Variants in PARD3B observed in about 807,000 individuals in gnomAD.
PARD3B encodes partitioning defective 3 homolog B.
PARD3B carries 103 observed loss-of-function variants against 130.2 expected under a neutral mutation model. The ratio of observed to expected loss-of-function variants is 0.79; its 90% CI spans 0.67 to 0.93. The LOEUF is 0.93. PARD3B is among the 40% of genes least tolerant of loss of function. PARD3B has a pLI of 0.00. For synonymous variants in PARD3B, 583 were observed against 553.2 expected, an observed-to-expected ratio of 1.05 and a Z score of -0.76; for missense variants, 1,609 against 1,499.2, an observed-to-expected ratio of 1.07 and a Z score of -1.21.
At chr2:204,844,348 T>C (rs2044377797) in intron 2 of PARD3B, among the ~76,000 whole-genome samples, 1 of 152,172 alleles carries the variant, frequency 6.6e-6, no homozygotes, top group African/African-American at 2.4e-5. Flanking sequence ...TCATTCTGAG[T>C]CATTGCTTAT....
Position 205,600,220 on chromosome 2 carries a change from G to A in PARD3B, c.3261-15236G>A, listed in dbSNP as rs117763212. 1.4e-4 allele frequency among the ~76,000 whole-genome samples: 22 copies of A among 152,340 alleles called. No homozygotes were observed. The East Asian group carries it at 3.7e-3, about 25-fold the overall frequency. ...GCTAAGAGAATATTTGCTAGAACCC[G>A]ATGTATGACTGGAGCAGGGATGAGA... On this transcript the variant is annotated intron_variant, in intron 22 of 22. Transcript: ENST00000406610.
At chr2:204,936,304 A>C (rs1305195341) in intron 2 of PARD3B, among the ~76,000 whole-genome samples, 3 of 152,206 alleles carry the variant, frequency 2.0e-5, no homozygotes, top group Non-Finnish European at 4.4e-5. Context: ...TTTGAGTAAG[A>C]AGGATTCTTC....
chr2:205,282,985 T>C (rs1279583838), intron 16 of PARD3B, among the ~76,000 whole-genome samples: 2 of 152,212 alleles, frequency 1.3e-5, no homozygotes, highest in African/African-American at 4.8e-5. Flanking sequence ...CCTGATTGGC[T>C]GAGGCAGGTG....
chr2:205,473,472 C>T lies in PARD3B; in HGVS notation c.3045-26424C>T. Among the ~76,000 whole-genome samples, 1 of 151,838 alleles carries T rather than the reference C, an allele frequency of 6.6e-6. No individual in the cohort carries two copies. The highest frequency in any genetic ancestry group is 1.9e-4 in the East Asian group (1 of 5,172). On this transcript the variant is annotated intron_variant, in intron 20 of 22. Coordinates refer to ENST00000406610, the MANE Select transcript of PARD3B (RefSeq NM_001302769.2). The surrounding 1 kb of genome is among the most constrained non-coding windows in gnomAD (Gnocchi z 4.9). ...TATTAAGCTCCATTAAAGGGTTTTACAATACCAAATTGTTTATACACTGCT... is the reference window on the plus strand; with the variant it reads ...TATTAAGCTCCATTAAAGGGTTTTATAATACCAAATTGTTTATACACTGCT...
At chr2:204,578,180 T>A (rs1038456134) in intron 1 of PARD3B, among the ~76,000 whole-genome samples, 1 of 152,220 alleles carries the variant, frequency 6.6e-6, no homozygotes, top group Non-Finnish European at 1.5e-5. Flanking sequence ...GAGGAATCAA[T>A]ACTTTAGTGT....
chr2:205,578,377 C>A (rs937489339), intron 22 of PARD3B, among the ~76,000 whole-genome samples: 9 of 152,080 alleles, frequency 5.9e-5, no homozygotes, highest in African/African-American at 2.2e-4. Flanking sequence ...CAAGATCCCC[C>A]CCAAAAAAGA....
intron 3 of PARD3B, among the ~76,000 whole-genome samples, chr2:204,993,946 T>C (rs1419928819): frequency 2.2e-4 from 34 of 152,128 alleles, no homozygotes; most frequent in East Asian, 5.8e-4. Context: ...CATTTTTTAT[T>C]GCATCTATTT....
At chr2:205,540,141 C>T (rs2052058673) in intron 21 of PARD3B, among the ~76,000 whole-genome samples, 1 of 151,800 alleles carries the variant, frequency 6.6e-6, no homozygotes, top group African/African-American at 2.4e-5. Flanking sequence ...GACACTTGGG[C>T]TGATTTTTTG....
chr2:205,241,692 A>C lies in PARD3B; in HGVS notation c.2141-4086A>C, dbSNP rs529823310. ...ACTCTCTTACTCAATGCTTTTAATT[A>C]ATACTTTACTGTTTTGGAATCAAAG... On this transcript the variant is annotated intron_variant, in intron 15 of 22. Coordinates refer to ENST00000406610, the MANE Select transcript of PARD3B (RefSeq NM_001302769.2). This position sits in a 1 kb window ranked among gnomAD's most constrained non-coding sequence, Gnocchi z 4.2. Among the ~76,000 whole-genome samples, 1 of 152,274 alleles carries C rather than the reference A, an allele frequency of 6.6e-6. No individual in the cohort carries two copies. Among genetic ancestry groups the C allele is most frequent in the South Asian group, 2.1e-4 (1 of 4,826 alleles).
intron 22 of PARD3B, among the ~76,000 whole-genome samples, chr2:205,594,297 G>A (rs1256311552): frequency 6.6e-6 from 1 of 152,174 alleles, no homozygotes; most frequent in East Asian, 1.9e-4. Context: ...CTTGCCTGGA[G>A]TTATTTAGGG....
At chr2:204,603,133 C>T (rs2033581658) in intron 1 of PARD3B, among the ~76,000 whole-genome samples, 1 of 152,088 alleles carries the variant, frequency 6.6e-6, no homozygotes, top group South Asian at 2.1e-4. Flanking sequence ...ATAGATGGAA[C>T]GTTCTTTAAG....
At chr2:205,285,091 T>G (rs2041343750) in intron 16 of PARD3B, among the ~76,000 whole-genome samples, 1 of 152,128 alleles carries the variant, frequency 6.6e-6, no homozygotes, top group African/African-American at 2.4e-5. Context: ...TTTTTATATT[T>G]TTATTGTAAG....
chr2:205,594,402 T>C (rs2054497005), intron 22 of PARD3B, among the ~76,000 whole-genome samples: 1 of 152,110 alleles, frequency 6.6e-6, no homozygotes, highest in African/African-American at 2.4e-5. Context: ...AAGTGGGGAA[T>C]TGGGATGGCA....
intron 2 of PARD3B, among the ~76,000 whole-genome samples, chr2:204,726,138 CG>C (rs548130537): frequency 9.2e-5 from 14 of 152,268 alleles, no homozygotes; most frequent in Admixed American, 5.2e-4. Context: ...AGCATAGCTT[CG>C]CTCAGTAAAA....
chr2:204,740,844 G>C (rs1054532058), intron 2 of PARD3B, among the ~76,000 whole-genome samples: 1 of 152,128 alleles, frequency 6.6e-6, no homozygotes, highest in Admixed American at 6.6e-5. Context: ...ATTTGAAATA[G>C]AACATGTCCC....
At chr2:205,145,705 C>T (rs960052368) in intron 10 of PARD3B, among the ~76,000 whole-genome samples, 1 of 151,690 alleles carries the variant, frequency 6.6e-6, no homozygotes, top group East Asian at 1.9e-4. Flanking sequence ...AAAATTTCTA[C>T]GGCATGCTCC....
chr2:205,054,374 G>A (rs1382889734), intron 4 of PARD3B, among the ~76,000 whole-genome samples: 1 of 115,642 alleles, frequency 8.6e-6, no homozygotes, highest in African/African-American at 3.3e-5. Flanking sequence ...GTCAATTTCA[G>A]AAATTAACAA....
chr2:204,823,067 G>A (rs1181415872), intron 2 of PARD3B, among the ~76,000 whole-genome samples: 1 of 152,084 alleles, frequency 6.6e-6, no homozygotes, highest in African/African-American at 2.4e-5. Context: ...AGGTAGTCTT[G>A]TATTTACCTG....
At chr2:204,762,761 CTTTTTTT>C (rs5837937) in intron 2 of PARD3B, among the ~76,000 whole-genome samples, 6 of 32,622 alleles carry the variant, frequency 1.8e-4, no homozygotes, top group Non-Finnish European at 9.3e-4. Flanking sequence ...TTTTCTTTTT[CTTTTTTT>C]TTTTTTTTTG....
Sources: gnomAD v4.1 joint callset for allele counts (sites outside exome capture counted in the v4.1 genomes callset) on GRCh38, gnomAD v4.1.1 for gene constraint, Gnocchi (gnomAD v3.1) non-coding constraint, MANE v1.5 for transcripts, NCBI Gene and HGNC (gene_info 2026-07-23, HGNC 2026-07-21) for gene names.